CNTNAP2: variants seen among roughly 807,000 people sequenced by gnomAD.
CNTNAP2 encodes contactin-associated protein-like 2.
CNTNAP2 carries 98 observed loss-of-function variants against 155.2 expected under a neutral mutation model. That is an observed-to-expected ratio of 0.63 (90% CI 0.54 to 0.75). The LOEUF is 0.75. Among genes scored for constraint, CNTNAP2 ranks in the 30% least tolerant of loss-of-function variants. CNTNAP2 has a pLI of 0.00. For synonymous variants in CNTNAP2, 651 were observed against 631.2 expected (o/e 1.03, Z -0.47); for missense variants, 1,727 against 1,688.1 (o/e 1.02, Z -0.40).
intron 1 of CNTNAP2, among the ~76,000 whole-genome samples, chr7:146,151,682 G>GTATATATATATATATATGTATATA (rs775446723): frequency 1.3e-5 from 1 of 74,124 alleles, no homozygotes; most frequent in Non-Finnish European, 2.8e-5. Context: ...ATATATATAT[G>GTATATATATATATATATGTATATA]TATATATATA....
In CNTNAP2 at chr7:146,370,199, A is replaced by C. The variant is rs1394432045; in HGVS notation, c.97+253226A>C. Among the ~76,000 whole-genome samples the C allele has an allele frequency of 2.8e-5, 4 of 144,400 alleles. No homozygotes were observed. In the East Asian group the frequency reaches 8.6e-4, roughly 31 times the overall value. 94.7% of individuals were successfully genotyped at this position (144,400 alleles called of 152,430 possible). ...CTTTTTGGGAGGCCGGGGCAGGTGGATCACTTGAGGTCAGGAGTTCAAGAC... is the reference window on the plus strand; with the variant it reads ...CTTTTTGGGAGGCCGGGGCAGGTGGCTCACTTGAGGTCAGGAGTTCAAGAC... On this transcript the variant is annotated intron_variant, in intron 1 of 23. Coordinates refer to ENST00000361727, the MANE Select transcript of CNTNAP2 (RefSeq NM_014141.6).
At chr7:148,062,028 A>AGAGAGAGTGTGTGT (rs1388530831) in intron 15 of CNTNAP2, among the ~76,000 whole-genome samples, 2 of 105,974 alleles carry the variant, frequency 1.9e-5, no homozygotes, top group Non-Finnish European at 2.0e-5. Context: ...AGAGAGAGAG[A>AGAGAGAGTGTGTGT]GTGTGTGTGT....
chr7:146,567,877 C>A (rs1042000949), intron 1 of CNTNAP2, among the ~76,000 whole-genome samples: 16 of 152,134 alleles, frequency 1.1e-4, no homozygotes, highest in Admixed American at 2.0e-4. Context: ...CCCGCCACCA[C>A]GCCTGGCTAA....
intron 12 of CNTNAP2, among the ~76,000 whole-genome samples, chr7:147,588,366 A>T (rs1431646822): frequency 3.9e-5 from 6 of 152,170 alleles, no homozygotes; most frequent in Non-Finnish European, 8.8e-5. Flanking sequence ...AGTCTAGAAC[A>T]AACATTTCAA....
At chr7:147,358,926 G>T (rs1280151299) in intron 9 of CNTNAP2, among the ~76,000 whole-genome samples, 3 of 152,032 alleles carry the variant, frequency 2.0e-5, no homozygotes, top group Non-Finnish European at 4.4e-5. Flanking sequence ...GTCAAAACCG[G>T]CCTGCAGACA....
At chr7:147,945,073 C>G (rs945449602) in intron 14 of CNTNAP2, among the ~76,000 whole-genome samples, 11 of 152,068 alleles carry the variant, frequency 7.2e-5, no homozygotes, top group African/African-American at 2.7e-4. Flanking sequence ...GCTTCAATTG[C>G]CTGTATAGAA....
chr7:146,895,234 T>A (rs896950983), intron 3 of CNTNAP2, among the ~76,000 whole-genome samples: 4 of 151,330 alleles, frequency 2.6e-5, no homozygotes, highest in African/African-American at 9.7e-5. Context: ...CCTTCCTTTT[T>A]TCTTTCCTTC....
At chr7:147,432,463 A>C (rs1016987686) in intron 10 of CNTNAP2, among the ~76,000 whole-genome samples, 3 of 152,180 alleles carry the variant, frequency 2.0e-5, no homozygotes, top group African/African-American at 7.2e-5. Flanking sequence ...TGTATGCCCA[A>C]AGTGTATGAC....
intron 4 of CNTNAP2, among the ~76,000 whole-genome samples, chr7:147,091,454 T>C (rs192219011): frequency 6.3e-4 from 96 of 152,174 alleles, no homozygotes; most frequent in African/African-American, 2.2e-3. Flanking sequence ...TATACTTTTT[T>C]CTTTTTTCTT....
intron 10 of CNTNAP2, among the ~76,000 whole-genome samples, chr7:147,437,771 G>T (rs954553518): frequency 6.6e-6 from 1 of 152,046 alleles, no homozygotes; most frequent in Non-Finnish European, 1.5e-5. Flanking sequence ...TGAATCTGTA[G>T]ATTGCTTTGG....
At chr7:147,430,382 A>G (rs931388510) in intron 10 of CNTNAP2, among the ~76,000 whole-genome samples, 4 of 152,198 alleles carry the variant, frequency 2.6e-5, no homozygotes, top group Admixed American at 6.5e-5. Flanking sequence ...TTTTCTAACC[A>G]TCTCAGGATT....
At chr7:147,211,220 A>T (rs1803138845) in intron 8 of CNTNAP2, among the ~76,000 whole-genome samples, 1 of 152,010 alleles carries the variant, frequency 6.6e-6, no homozygotes, top group African/African-American at 2.4e-5. Flanking sequence ...TAATGCTGTC[A>T]GTGGGGTGTT....
intron 13 of CNTNAP2, among the ~76,000 whole-genome samples, chr7:147,826,954 G>T (rs1389388918): frequency 7.3e-6 from 1 of 136,062 alleles, no homozygotes; most frequent in Non-Finnish European, 1.5e-5. Context: ...TTTTTGAGAC[G>T]GAGTCTTGCT....
At chr7:148,336,533 G>A (rs12534543) in intron 21 of CNTNAP2, among the ~76,000 whole-genome samples, 76,174 of 142,426 alleles carry the variant, frequency 0.53, 19,659 homozygotes, top group East Asian at 0.67. Flanking sequence ...TACACTTCCT[G>A]TTTGGTTGAT....
chr7:147,028,101 C>A (rs1037534984), intron 3 of CNTNAP2, among the ~76,000 whole-genome samples: 20 of 152,092 alleles, frequency 1.3e-4, no homozygotes, highest in African/African-American at 4.8e-4. Context: ...AAAAAGTCAG[C>A]CGTTCTTGTC....
intron 1 of CNTNAP2, among the ~76,000 whole-genome samples, chr7:146,378,518 G>A (rs992306686): frequency 6.6e-6 from 1 of 152,118 alleles, no homozygotes; most frequent in Admixed American, 6.6e-5. Context: ...AGAATCCTAT[G>A]AAGTAGATAC....
Position 148,257,304 on chromosome 7 carries a change from C to T in CNTNAP2, c.3382-9729C>T, listed in dbSNP as rs192421744. ...ACTTTCCCTTCGTAAAGGCATCCGC[C>T]GTGAAACACACCAGGCACCTCCAGG... On this transcript the variant is annotated intron_variant, in intron 20 of 23. Coordinates refer to ENST00000361727, the MANE Select transcript of CNTNAP2 (RefSeq NM_014141.6). Among the ~76,000 whole-genome samples the T allele has an allele frequency of 1.6e-3, 239 of 152,308 alleles. 1 individual carries two copies. The highest frequency in any genetic ancestry group is 5.6e-3 in the African/African-American group (231 of 41,574).
intron 13 of CNTNAP2, among the ~76,000 whole-genome samples, chr7:147,710,010 G>T: frequency 6.6e-6 from 1 of 151,970 alleles, no homozygotes; most frequent in Non-Finnish European, 1.5e-5. Flanking sequence ...AAACTCCATG[G>T]CAGAGATAGG....
rs1005786138 is a variant in CNTNAP2, at chr7:147,602,359, A to T, written c.1898-36747A>T. On this transcript the variant is annotated intron_variant, in intron 12 of 23. Coordinates refer to ENST00000361727, the MANE Select transcript of CNTNAP2 (RefSeq NM_014141.6). ...TATTAGGCATTATGTACTTCAGTCT[A>T]TTTTTTTTTTTTTTTTACTTTAAGA... 1.0e-4 allele frequency among the ~76,000 whole-genome samples: 15 copies of T among 146,244 alleles called. No individual in the cohort carries two copies. In the South Asian group the frequency reaches 1.9e-3, roughly 19 times the overall value.
Sources: gnomAD v4.1 joint callset for allele counts (sites outside exome capture counted in the v4.1 genomes callset) on GRCh38, gnomAD v4.1.1 for gene constraint, MANE v1.5 for transcripts, NCBI Gene and HGNC (gene_info 2026-07-23, HGNC 2026-07-21) for gene names.